Variants in RELN observed in about 807,000 individuals in gnomAD.
The protein encoded by RELN is reelin.
In RELN, 108 loss-of-function variants were observed where a neutral mutation model predicts 427.6. The observed-to-expected ratio is 0.25, with a 90% CI of 0.22 to 0.30. The LOEUF (loss-of-function observed/expected upper bound fraction) is 0.30, where lower values mean the gene tolerates loss of function less well. Ranked by LOEUF, RELN falls within the 10% of genes least tolerant of loss-of-function variation. RELN has a pLI of 1.00. For synonymous variants in RELN, 1,524 were observed against 1,513.4 expected, an observed-to-expected ratio of 1.01 and a Z score of -0.16; for missense variants, 3,715 against 4,302.8, an observed-to-expected ratio of 0.86 and a Z score of 3.82.
At chr7:103,879,927 C>T (rs1161257354) in intron 2 of RELN, among the ~76,000 whole-genome samples, 2 of 151,416 alleles carry the variant, frequency 1.3e-5, no homozygotes, top group African/African-American at 4.8e-5. Context: ...ATTTTTTTTT[C>T]CCTTGGGCCA....
At chr7:103,820,406 A>G (rs1329971582) in intron 3 of RELN, among the ~76,000 whole-genome samples, 1 of 152,092 alleles carries the variant, frequency 6.6e-6, no homozygotes, top group Non-Finnish European at 1.5e-5. Context: ...GAAGTTTAAA[A>G]TTAATTCCCA....
In RELN at chr7:103,603,015, A is replaced by C. The variant is rs1274424530; in HGVS notation, c.3333+289T>G. On this transcript the variant is annotated intron_variant, in intron 24 of 64. Coordinates refer to ENST00000428762, the MANE Select transcript of RELN (RefSeq NM_005045.4). This position sits in a 1 kb window ranked among gnomAD's most constrained non-coding sequence, Gnocchi z 4.3. ...CCCTACGCAAACTTCCTCAATACACAAGCCTGGCTGGAAATGAAGGAAAGG... is the reference window on the plus strand; with the variant it reads ...CCCTACGCAAACTTCCTCAATACACCAGCCTGGCTGGAAATGAAGGAAAGG... Among the ~76,000 whole-genome samples, 1 of 152,094 alleles carries C rather than the reference A, an allele frequency of 6.6e-6. No individual in the cohort carries two copies. The highest frequency in any genetic ancestry group is 1.5e-5 in the Non-Finnish European group (1 of 68,028).
intron 15 of RELN, among the ~76,000 whole-genome samples, chr7:103,650,820 A>G (rs537741924): frequency 4.6e-4 from 70 of 152,182 alleles, no homozygotes; most frequent in Non-Finnish European, 9.0e-4. Flanking sequence ...ACAAGGTCTC[A>G]TACTATGTTG....
intron 1 of RELN, among the ~76,000 whole-genome samples, chr7:103,976,012 T>C (rs1235207462): frequency 6.6e-6 from 1 of 152,058 alleles, no homozygotes; most frequent in Non-Finnish European, 1.5e-5. Context: ...TCTGAGCTCC[T>C]ACTGTGTTTG....
At chr7:103,534,662 A>AT (rs1159496294) in intron 46 of RELN, among the ~76,000 whole-genome samples, 1 of 151,218 alleles carries the variant, frequency 6.6e-6, no homozygotes, top group Non-Finnish European at 1.5e-5. Flanking sequence ...TAATTTTTTA[A>AT]TTTTTTTTGT....
chr7:103,946,508 A>G (rs139302460), intron 1 of RELN, among the ~76,000 whole-genome samples: 184 of 152,330 alleles, frequency 1.2e-3, no homozygotes, highest in African/African-American at 4.1e-3. Context: ...CTTCAGTTAA[A>G]TAATATCCAA....
chr7:103,823,329 T>C (rs988563084), intron 3 of RELN, among the ~76,000 whole-genome samples: 1 of 152,114 alleles, frequency 6.6e-6, no homozygotes, highest in African/African-American at 2.4e-5. Context: ...TTTATATTTA[T>C]TGTAATTGAC....
intron 6 of RELN, among the ~76,000 whole-genome samples, chr7:103,733,254 C>T (rs1057344050): frequency 6.6e-6 from 1 of 151,468 alleles, no homozygotes; most frequent in African/African-American, 2.4e-5. Flanking sequence ...CATCTCACAC[C>T]AGTTAGAATG....
intron 3 of RELN, among the ~76,000 whole-genome samples, chr7:103,803,680 G>C (rs796404836): frequency 2.0e-5 from 3 of 152,206 alleles, no homozygotes; most frequent in African/African-American, 7.2e-5. Flanking sequence ...AAGGAACTTA[G>C]AGGCTTATAC....
intron 3 of RELN, among the ~76,000 whole-genome samples, chr7:103,790,406 T>C (rs1792130311): frequency 6.6e-6 from 1 of 152,224 alleles, no homozygotes; most frequent in Non-Finnish European, 1.5e-5. Flanking sequence ...TTTACTTCTA[T>C]ATAATTTTAA....
rs770623287 is a variant in RELN, at chr7:103,989,084, G to C, written c.226+47C>G. The stretch of plus-strand genomic sequence containing the variant: ...GGAAAGGGATGAGAAAGGTGCGCTG[G>C]CGGGCGCACCCGGCGGCGGCGAGCG... On this transcript the variant is annotated intron_variant, in intron 1 of 64. Coordinates refer to ENST00000428762, the MANE Select transcript of RELN (RefSeq NM_005045.4). This position sits in a 1 kb window ranked among gnomAD's most constrained non-coding sequence, Gnocchi z 4.9. 4 of 1,534,408 alleles carry C rather than the reference G, an allele frequency of 2.6e-6. No homozygotes were observed. Among genetic ancestry groups the C allele is most frequent in the Admixed American group, 1.7e-5 (1 of 59,454 alleles).
chr7:103,531,503 A>T (rs1278775197), intron 46 of RELN, among the ~76,000 whole-genome samples: 5 of 152,160 alleles, frequency 3.3e-5, no homozygotes, highest in South Asian at 2.1e-4. Flanking sequence ...CCTAGTTAGG[A>T]GCACCAGCAT....
At chr7:103,534,426 G>A (rs2117116379) in intron 46 of RELN, among the ~76,000 whole-genome samples, 1 of 152,288 alleles carries the variant, frequency 6.6e-6, no homozygotes, top group East Asian at 1.9e-4. Context: ...GAGTGGAAAT[G>A]CACAGATAAT....
At chr7:103,648,786 GCAAA>G (rs1468063692) in intron 16 of RELN, among the ~76,000 whole-genome samples, 4 of 151,868 alleles carry the variant, frequency 2.6e-5, no homozygotes, top group African/African-American at 7.3e-5. Context: ...AAGGACATGA[GCAAA>G]CAGTTTTCAA....
At chr7:103,670,589 C>T (rs975230969) in intron 11 of RELN, among the ~76,000 whole-genome samples, 6 of 151,788 alleles carry the variant, frequency 4.0e-5, no homozygotes, top group Non-Finnish European at 8.8e-5. Context: ...TATATGCCAA[C>T]AGTTTAACAG....
intron 8 of RELN, among the ~76,000 whole-genome samples, chr7:103,702,644 G>A (rs558042942): frequency 6.6e-6 from 1 of 152,144 alleles, no homozygotes; most frequent in Non-Finnish European, 1.5e-5. Flanking sequence ...AAACAAAAAC[G>A]CACCCAGCAG....
chr7:103,493,732 G>A (rs1828741300), intron 57 of RELN, among the ~76,000 whole-genome samples: 1 of 152,132 alleles, frequency 6.6e-6, no homozygotes, highest in Non-Finnish European at 1.5e-5. Flanking sequence ...GAACCCAGAA[G>A]CCTAGGGGAA....
rs2115695607 is a variant in RELN at position 103,682,158 on chromosome 7, A to G, written c.1247T>C (p.Ile416Thr). ...TRDVDLSTED[I>T]QEQWSEEFES... The stretch of plus-strand genomic sequence containing the variant: ...AAATTCTTCTGACCATTGCTCTTGA[A>G]TATCTTCTGTGGAAAGATCTACATC... Residue 416 changes from isoleucine to threonine, a missense_variant, in exon 11 of 65, where the codon ATT becomes ACT. Physicochemically the swap from Ile to Thr is moderately conservative, Grantham distance 89. Around this residue, in one of 4 missense-constraint regions of RELN, gnomAD observed 2,208 missense variants for 2,361.7 expected, o/e 0.93. Coordinates refer to ENST00000428762, the MANE Select transcript of RELN (RefSeq NM_005045.4). The G allele has an allele frequency of 6.2e-7, 1 of 1,614,012 alleles. No homozygotes were observed. Among genetic ancestry groups the G allele is most frequent in the Non-Finnish European group, 8.5e-7 (1 of 1,179,920 alleles).
chr7:103,663,614 C>T (rs1380140506), intron 11 of RELN, among the ~76,000 whole-genome samples: 2 of 152,170 alleles, frequency 1.3e-5, no homozygotes, highest in Admixed American at 6.5e-5. Context: ...CTCAAAGTCC[C>T]CTTGTACTTG....
Sources: allele counts gnomAD v4.1 joint callset (sites outside exome capture counted in the v4.1 genomes callset), GRCh38; gene constraint gnomAD v4.1.1; regional missense constraint gnomAD v4.1.1; non-coding constraint Gnocchi (gnomAD v3.1); transcripts MANE v1.5; gene names NCBI Gene and HGNC (gene_info 2026-07-23, HGNC 2026-07-21).